The following KCNH7 variants were observed in gnomAD, a reference collection of about 807,000 sequenced individuals.
KCNH7 encodes voltage-gated inwardly rectifying potassium channel KCNH7.
Under a neutral mutation model 120.8 loss-of-function variants are expected in KCNH7, and 49 were observed. That is an observed-to-expected ratio of 0.41 (90% CI 0.32 to 0.51). The LOEUF (loss-of-function observed/expected upper bound fraction) is 0.51. KCNH7 is among the 20% of genes least tolerant of loss of function. The pLI, the probability that KCNH7 is intolerant of heterozygous loss-of-function variation, is 0.38. For missense variants in KCNH7, 1,097 were observed against 1,446.6 expected, an observed-to-expected ratio of 0.76 and a Z score of 3.92; for synonymous variants, 547 against 516.1, an observed-to-expected ratio of 1.06 and a Z score of -0.81.
At chr2:162,570,640 T>G (rs2105897825) in intron 2 of KCNH7, among the ~76,000 whole-genome samples, 1 of 152,196 alleles carries the variant, frequency 6.6e-6, no homozygotes, top group East Asian at 1.9e-4. Context: ...GGTCTTTACA[T>G]TTTGGCATGA....
intron 2 of KCNH7, among the ~76,000 whole-genome samples, chr2:162,651,692 G>A (rs1574222668): frequency 6.6e-6 from 1 of 152,118 alleles, no homozygotes; most frequent in East Asian, 1.9e-4. Context: ...ACGGTAGAAT[G>A]ATTTATATTC....
At chr2:162,742,332 C>G (rs1050658332) in intron 2 of KCNH7, among the ~76,000 whole-genome samples, 2 of 151,634 alleles carry the variant, frequency 1.3e-5, no homozygotes, top group African/African-American at 4.8e-5. Flanking sequence ...AATGGGCTTC[C>G]CCTCACTTCC....
intron 2 of KCNH7, among the ~76,000 whole-genome samples, chr2:162,770,079 T>C (rs1022402116): frequency 7.2e-5 from 11 of 152,080 alleles, no homozygotes; most frequent in African/African-American, 2.7e-4. Flanking sequence ...GCTGGTTTAA[T>C]TTGGAAACTG....
At chr2:162,567,000 A>G (rs558357191) in intron 2 of KCNH7, among the ~76,000 whole-genome samples, 100 of 152,156 alleles carry the variant, frequency 6.6e-4, no homozygotes, top group African/African-American at 2.0e-3. Flanking sequence ...TTTTCACTGA[A>G]GAAAGGCAGG....
chr2:162,770,686 C>G (rs1683013489), intron 2 of KCNH7, among the ~76,000 whole-genome samples: 1 of 151,698 alleles, frequency 6.6e-6, no homozygotes, highest in Non-Finnish European at 1.5e-5. Context: ...TCTCATGAAT[C>G]TTTATTTATT....
At chr2:162,594,344 G>A (rs1694305833) in intron 2 of KCNH7, among the ~76,000 whole-genome samples, 1 of 151,818 alleles carries the variant, frequency 6.6e-6, no homozygotes. Context: ...CCCAACCCAA[G>A]GAAAGTTTCT....
chr2:162,507,434 G>A (rs1387553143), intron 5 of KCNH7, among the ~76,000 whole-genome samples: 2 of 151,492 alleles, frequency 1.3e-5, no homozygotes, highest in Non-Finnish European at 3.0e-5. Context: ...TGAAACACTT[G>A]TAATTATTAT....
intron 2 of KCNH7, among the ~76,000 whole-genome samples, chr2:162,725,264 G>GTA (rs1173382425): frequency 4.6e-5 from 7 of 152,012 alleles, no homozygotes; most frequent in Non-Finnish European, 8.8e-5. Context: ...TTAATAAACA[G>GTA]TATAAATAGT....
chr2:162,432,168 C>T (rs1688091712), intron 8 of KCNH7, among the ~76,000 whole-genome samples: 1 of 151,816 alleles, frequency 6.6e-6, no homozygotes, highest in Non-Finnish European at 1.5e-5. Context: ...GCAGATGACC[C>T]CTATAAAGTG....
At chr2:162,831,523 T>C (rs921391900) in intron 2 of KCNH7, among the ~76,000 whole-genome samples, 16 of 152,144 alleles carry the variant, frequency 1.1e-4, no homozygotes, top group Admixed American at 3.3e-4. Flanking sequence ...GTTTCTAGTA[T>C]AGATCCCAGA....
intron 2 of KCNH7, among the ~76,000 whole-genome samples, chr2:162,715,600 T>C (rs552409467): frequency 2.0e-5 from 3 of 152,318 alleles, no homozygotes; most frequent in African/African-American, 7.2e-5. Context: ...ATATTCTAAA[T>C]TGAGCCATGT....
At chr2:162,646,187 A>G (rs1486277253) in intron 2 of KCNH7, among the ~76,000 whole-genome samples, 4 of 152,322 alleles carry the variant, frequency 2.6e-5, no homozygotes, top group South Asian at 2.1e-4. Context: ...TTTTATCTGT[A>G]TATATTAGAA....
chr2:162,757,131 A>T (rs1688813796), intron 2 of KCNH7, among the ~76,000 whole-genome samples: 1 of 152,092 alleles, frequency 6.6e-6, no homozygotes, highest in African/African-American at 2.4e-5. Flanking sequence ...TCATTTTTAG[A>T]TTATTATTTT....
intron 2 of KCNH7, among the ~76,000 whole-genome samples, chr2:162,676,099 C>T (rs1157018613): frequency 2.6e-5 from 4 of 151,400 alleles, no homozygotes; most frequent in African/African-American, 7.3e-5. Context: ...CTTTCCTAAA[C>T]ACCTCCTCTT....
intron 2 of KCNH7, among the ~76,000 whole-genome samples, chr2:162,571,914 T>G (rs1218960040): frequency 6.6e-6 from 1 of 151,922 alleles, no homozygotes; most frequent in African/African-American, 2.4e-5. Flanking sequence ...ATTAAAGACT[T>G]AAACGTTAGA....
chr2:162,374,167 A>T (rs942525974), intron 14 of KCNH7, among the ~76,000 whole-genome samples: 1 of 152,158 alleles, frequency 6.6e-6, no homozygotes, highest in East Asian at 1.9e-4. Flanking sequence ...AGTATTGTAT[A>T]TTATTCATTG....
chr2:162,746,393 G>A (rs977250158), intron 2 of KCNH7, among the ~76,000 whole-genome samples: 3 of 152,116 alleles, frequency 2.0e-5, no homozygotes, highest in Non-Finnish European at 1.5e-5. Context: ...TTAGAGGTCA[G>A]AAAGTATTTT....
At chr2:162,471,481 G>T (rs1689526600) in intron 6 of KCNH7, among the ~76,000 whole-genome samples, 2 of 152,110 alleles carry the variant, frequency 1.3e-5, no homozygotes. Context: ...GATGGTGTGG[G>T]TGAAGAGGTC....
At chr2:162,416,100 T>C (rs930643235) in intron 9 of KCNH7, among the ~76,000 whole-genome samples, 1 of 152,116 alleles carries the variant, frequency 6.6e-6, no homozygotes, top group African/African-American at 2.4e-5. Context: ...ATATTAAGAA[T>C]AGCTCATAGG....
Sources: gnomAD v4.1 joint callset for allele counts (sites outside exome capture counted in the v4.1 genomes callset) on GRCh38, gnomAD v4.1.1 for gene constraint, MANE v1.5 for transcripts, NCBI Gene and HGNC (gene_info 2026-07-23, HGNC 2026-07-21) for gene names.